SETBP1: variants seen among roughly 807,000 people sequenced by gnomAD.
The protein encoded by SETBP1 is SET binding protein 1.
A neutral mutation model predicts 101.0 loss-of-function variants in SETBP1; 9 were observed. The ratio of observed to expected loss-of-function variants is 0.09; its 90% CI spans 0.05 to 0.16. The LOEUF (loss-of-function observed/expected upper bound fraction) is 0.16. SETBP1 is among the 10% of genes least tolerant of loss of function. The pLI, the probability that SETBP1 is intolerant of heterozygous loss-of-function variation, is 1.00. For missense variants in SETBP1, 1,858 were observed against 2,033.8 expected (o/e 0.91, Z 1.66); for synonymous variants, 818 against 788.5 (o/e 1.04, Z -0.63).
chr18:44,877,458 T>C (rs2069432834), intron 3 of SETBP1: 1 of 818,934 alleles, frequency 1.2e-6, no homozygotes. Context: ...ATGTGAATAT[T>C]TGTAATAGGA....
chr18:44,693,827 G>A (rs1813835898), intron 1 of SETBP1, among the ~76,000 whole-genome samples: 2 of 152,210 alleles, frequency 1.3e-5, no homozygotes, highest in South Asian at 4.1e-4. Context: ...CAGTCATCAA[G>A]TCTACTGTAT....
intron 3 of SETBP1, among the ~76,000 whole-genome samples, chr18:44,886,769 A>C (rs2069658686): frequency 6.8e-6 from 1 of 148,042 alleles, no homozygotes; most frequent in Admixed American, 6.8e-5. Flanking sequence ...TATTATTATT[A>C]TTATTATTAT....
intron 2 of SETBP1, among the ~76,000 whole-genome samples, chr18:44,711,354 G>A (rs529038598): frequency 1.4e-4 from 10 of 70,982 alleles, no homozygotes; most frequent in Middle Eastern, 8.5e-3. Flanking sequence ...CCCACAGCTC[G>A]TTTGCTTCCT....
chr18:44,701,514 G>C lies in SETBP1; in HGVS notation c.168G>C (p.Glu56Asp), dbSNP rs2060097582. Reference sequence around the variant, plus strand: ...TCCCGGTGGGCGGAGAGCGCATGGAGCCAGAGGAGGAGGATGAACTAGGCT... The same window carrying C: ...TCCCGGTGGGCGGAGAGCGCATGGACCCAGAGGAGGAGGATGAACTAGGCT... The part of the protein sequence containing the change: ...KGIPVGGERM[E>D]PEEEDELGSG... The change falls in exon 2 of 6, where the codon GAG becomes GAC. Residue 56 changes from glutamate to aspartate, a missense_variant. Physicochemically the swap from Glu to Asp is conservative, Grantham distance 45. Around this residue, in one of 12 missense-constraint regions of SETBP1, gnomAD observed 97 missense variants for 101.2 expected, o/e 0.96. Coordinates refer to ENST00000649279, the MANE Select transcript of SETBP1 (RefSeq NM_015559.3). 1 of 1,613,902 alleles carries C rather than the reference G, an allele frequency of 6.2e-7. No individual in the cohort carries two copies. Among genetic ancestry groups the C allele is most frequent in the African/African-American group, 1.3e-5 (1 of 74,898 alleles).
chr18:45,024,769 G>A (rs1374913461), intron 4 of SETBP1, among the ~76,000 whole-genome samples: 1 of 152,148 alleles, frequency 6.6e-6, no homozygotes, highest in Non-Finnish European at 1.5e-5. Flanking sequence ...CTTAGAGGAG[G>A]GTTGAAAGAA....
At chr18:44,989,247 A>G (rs1012561354) in intron 4 of SETBP1, 12 of 152,206 alleles carry the variant, frequency 7.9e-5, no homozygotes, top group African/African-American at 2.7e-4. Flanking sequence ...CAGATTATGA[A>G]ATATGGCAAG....
At chr18:45,007,414 C>G (rs1399608965) in intron 4 of SETBP1, among the ~76,000 whole-genome samples, 1 of 152,050 alleles carries the variant, frequency 6.6e-6, no homozygotes. Flanking sequence ...TCCAGTAATG[C>G]TTAAAGCCTC....
intron 4 of SETBP1, among the ~76,000 whole-genome samples, chr18:45,005,643 CTTTTT>C (rs11301319): frequency 2.6e-4 from 30 of 116,230 alleles, no homozygotes; most frequent in African/African-American, 7.7e-4. Flanking sequence ...TAAAATCTTC[CTTTTT>C]TTTTTTTTTT....
chr18:44,748,681 T>C (rs2070317967), intron 2 of SETBP1, among the ~76,000 whole-genome samples: 2 of 152,166 alleles, frequency 1.3e-5, no homozygotes, highest in South Asian at 4.1e-4. Context: ...GCAATGCAGG[T>C]AAAGGGAATA....
chr18:44,919,328 C>T (rs1302612540), intron 3 of SETBP1, among the ~76,000 whole-genome samples: 2 of 151,018 alleles, frequency 1.3e-5, no homozygotes, highest in Non-Finnish European at 2.9e-5. Context: ...GCCAGCCTGT[C>T]TAAATCAAAT....
intron 2 of SETBP1, among the ~76,000 whole-genome samples, chr18:44,704,720 GA>G (rs1007219627): frequency 6.6e-6 from 1 of 152,224 alleles, no homozygotes; most frequent in African/African-American, 2.4e-5. Context: ...TATGTGTGTG[GA>G]AAAGTTTAGT....
At chr18:44,783,328 C>T (rs1323311781) in intron 2 of SETBP1, among the ~76,000 whole-genome samples, 1 of 152,182 alleles carries the variant, frequency 6.6e-6, no homozygotes, top group Non-Finnish European at 1.5e-5. Context: ...GAATCTTTCT[C>T]ATGGATCTTT....
At chr18:44,883,570 T>C (rs995455030) in intron 3 of SETBP1, among the ~76,000 whole-genome samples, 1 of 152,246 alleles carries the variant, frequency 6.6e-6, no homozygotes, top group Admixed American at 6.5e-5. Context: ...CTAAAACTTA[T>C]GGCCAGAGGG....
chr18:45,004,123 C>T lies in SETBP1; in HGVS notation c.4001-34362C>T, dbSNP rs566463422. On this transcript the variant is annotated intron_variant, in intron 4 of 5. Coordinates refer to ENST00000649279, the MANE Select transcript of SETBP1 (RefSeq NM_015559.3). ...TCAGGCGTGCTGAAGTGGAGAAATC[C>T]TGCACCAGAATAAATCTCACCTGAT... is the stretch of plus-strand genomic sequence containing the variant. 1.8e-4 allele frequency among the ~76,000 whole-genome samples: 28 copies of T among 152,316 alleles called. No individual in the cohort carries two copies. The South Asian group carries it at 5.6e-3, about 30-fold the overall frequency.
chr18:44,834,364 C>T (rs1368328918), intron 2 of SETBP1, among the ~76,000 whole-genome samples: 1 of 152,072 alleles, frequency 6.6e-6, no homozygotes. Flanking sequence ...GACATGGCAC[C>T]TGGGAATGTA....
intron 2 of SETBP1, among the ~76,000 whole-genome samples, chr18:44,865,882 A>T (rs566517810): frequency 6.6e-6 from 1 of 152,330 alleles, no homozygotes; most frequent in East Asian, 1.9e-4. Context: ...AACACCTTCA[A>T]TGCATGCTAG....
rs375053306 is a variant in SETBP1 at position 44,935,126 on chromosome 18, C to T, written c.541-14755C>T. Among the ~76,000 whole-genome samples the T allele has an allele frequency of 2.6e-5, 4 of 152,174 alleles. 1 individual carries two copies. The East Asian group carries it at 7.7e-4, about 29-fold the overall frequency. Reference sequence around the variant, plus strand: ...CAGTCATCCTGGCTCTGCCCACCAGCCTCTGTGAGGTCACTTCTTTCAGAG... The same window carrying T: ...CAGTCATCCTGGCTCTGCCCACCAGTCTCTGTGAGGTCACTTCTTTCAGAG... On this transcript the variant is annotated intron_variant, in intron 3 of 5. Coordinates refer to ENST00000649279, the MANE Select transcript of SETBP1 (RefSeq NM_015559.3).
chr18:44,711,445 TTCC>T (rs1417554400), intron 2 of SETBP1, among the ~76,000 whole-genome samples: 3 of 137,768 alleles, frequency 2.2e-5, no homozygotes, highest in Non-Finnish European at 4.7e-5. Context: ...CCTCCCTTCC[TTCC>T]TTTCTTCCTC....
intron 3 of SETBP1, chr18:44,871,533 CTGTT>C (rs974811469): frequency 1.3e-5 from 2 of 152,150 alleles, no homozygotes; most frequent in African/African-American, 4.8e-5. Context: ...TAGAGGTTTT[CTGTT>C]TGTTTTTCTT....
Sources: allele counts gnomAD v4.1 joint callset (sites outside exome capture counted in the v4.1 genomes callset), GRCh38; gene constraint gnomAD v4.1.1; regional missense constraint gnomAD v4.1.1; transcripts MANE v1.5; gene names NCBI Gene and HGNC (gene_info 2026-07-23, HGNC 2026-07-21).